The following PTBP3 variants were observed in gnomAD, a reference collection of about 807,000 sequenced individuals.
PTBP3 encodes the protein polypyrimidine tract binding protein 3, also known as polypyrimidine tract-binding protein 3.
A neutral mutation model predicts 58.7 loss-of-function variants in PTBP3; 20 were observed. The observed-to-expected ratio is 0.34, with a 90% CI of 0.24 to 0.50. The LOEUF is 0.50. Among genes scored for constraint, PTBP3 ranks in the 20% least tolerant of loss-of-function variants. The pLI is 0.98. For missense variants in PTBP3, 509 were observed against 637.2 expected, an observed-to-expected ratio of 0.80 and a Z score of 2.17; for synonymous variants, 185 against 219.8, an observed-to-expected ratio of 0.84 and a Z score of 1.40.
chr9:112,320,289 A>AT (rs1554805700), intron 1 of PTBP3, among the ~76,000 whole-genome samples: 14 of 39,076 alleles, frequency 3.6e-4, no homozygotes, highest in African/African-American at 2.9e-3. Context: ...TAAAAAAAAA[A>AT]AAATATATAT....
At chr9:112,345,221 C>G in the PTBP3 span, among the ~76,000 whole-genome samples, 4 of 151,870 alleles carry the variant, frequency 2.6e-5, no homozygotes, top group African/African-American at 9.7e-5. Context: ...GTCCCACCAG[C>G]TACTCCTTGG....
chr9:112,263,425 C>G (rs375270583), intron 4 of PTBP3, among the ~76,000 whole-genome samples: 1 of 152,150 alleles, frequency 6.6e-6, no homozygotes, highest in Admixed American at 6.6e-5. Context: ...CCCATCATTA[C>G]TAACACAACA....
intron 2 of PTBP3, among the ~76,000 whole-genome samples, chr9:112,295,097 C>T (rs969395118): frequency 2.6e-5 from 4 of 151,746 alleles, no homozygotes; most frequent in African/African-American, 9.7e-5. Context: ...AAAATTAGCC[C>T]GGCACGGTGG....
the PTBP3 span, among the ~76,000 whole-genome samples, chr9:112,372,600 C>A: frequency 6.6e-6 from 1 of 152,168 alleles, no homozygotes; most frequent in Non-Finnish European, 1.5e-5. Flanking sequence ...AGCCACCAAT[C>A]TGCTTTCTAT....
chr9:112,238,887 C>T (rs1203292058), intron 7 of PTBP3, among the ~76,000 whole-genome samples: 1 of 152,058 alleles, frequency 6.6e-6, no homozygotes, highest in Non-Finnish European at 1.5e-5. Context: ...TTACCACAGA[C>T]CTTTCCTAAG....
chr9:112,305,714 G>A (rs1829160440), intron 1 of PTBP3, among the ~76,000 whole-genome samples: 1 of 152,276 alleles, frequency 6.6e-6, no homozygotes, highest in Non-Finnish European at 1.5e-5. Flanking sequence ...GCCGAGGGGG[G>A]CGGATAATGA....
intron 7 of PTBP3, among the ~76,000 whole-genome samples, chr9:112,250,660 A>G (rs1228650676): frequency 3.3e-5 from 5 of 152,208 alleles, no homozygotes; most frequent in Admixed American, 3.3e-4. Context: ...ACTAATTTGA[A>G]GCAAATGGTT....
intron 7 of PTBP3, 101 bp downstream of exon 7, chr9:112,250,828 G>A (rs2132074123): frequency 8.7e-7 from 1 of 1,145,228 alleles, no homozygotes; most frequent in Non-Finnish European, 1.2e-6. Context: ...TAAATCCTGA[G>A]AGAACTCGAG....
chr9:112,333,461 A>G lies in PTBP3; in HGVS notation c.-52+9T>C. The G allele has an allele frequency of 1.3e-6, 2 of 1,583,988 alleles. No homozygotes were observed. The highest frequency in any genetic ancestry group is 1.1e-5 in the South Asian group (1 of 88,010). Reference sequence around the variant, plus strand: ...ACCCGGTGCGGCCGCCGCGCCGCCTAGTACTTACCCATCCATGGCCCAGAT... The same window carrying G: ...ACCCGGTGCGGCCGCCGCGCCGCCTGGTACTTACCCATCCATGGCCCAGAT... On this transcript the variant is annotated intron_variant, in intron 1 of 13. Transcript: ENST00000374257.
intron 5 of PTBP3, among the ~76,000 whole-genome samples, chr9:112,260,309 A>G (rs1836541590): frequency 6.6e-6 from 1 of 152,240 alleles, no homozygotes; most frequent in African/African-American, 2.4e-5. Flanking sequence ...GAGAGAGAAC[A>G]TCATCTTCAT....
At chr9:112,277,795 G>A (rs1302956075) in intron 2 of PTBP3, among the ~76,000 whole-genome samples, 1 of 151,964 alleles carries the variant, frequency 6.6e-6, no homozygotes, top group Non-Finnish European at 1.5e-5. Context: ...AGAGTCACTT[G>A]AACCCAGGAG....
intron 5 of PTBP3, among the ~76,000 whole-genome samples, chr9:112,253,856 CTG>C (rs1836237264): frequency 6.6e-6 from 1 of 152,188 alleles, no homozygotes. Context: ...CCATGCAGAA[CTG>C]TGAGTCAATT....
At position 112,282,561 on chromosome 9, in the gene PTBP3, C is replaced by T. The variant is rs1384692122; in HGVS notation, c.35-6548G>A. ...GAACCCCACAAATTTCATTAAGTTA[C>T]GGTTTCATTTTATTTCTGTTCAAAG... On this transcript the variant is annotated intron_variant, in intron 2 of 13. Coordinates refer to ENST00000374257, the MANE Select transcript of PTBP3 (RefSeq NM_001163788.4). 3.9e-5 allele frequency among the ~76,000 whole-genome samples: 6 copies of T among 152,030 alleles called. No homozygotes were observed. In the East Asian group the frequency reaches 5.8e-4, roughly 15 times the overall value.
the PTBP3 span, among the ~76,000 whole-genome samples, chr9:112,350,418 A>C: frequency 6.6e-6 from 1 of 152,222 alleles, no homozygotes; most frequent in East Asian, 1.9e-4. Context: ...AGATTTATGG[A>C]AACATTGTGA....
the PTBP3 span, among the ~76,000 whole-genome samples, chr9:112,363,876 T>C: frequency 6.6e-6 from 1 of 152,176 alleles, no homozygotes; most frequent in African/African-American, 2.4e-5. Flanking sequence ...ATCCATAGGG[T>C]TCACTCTGTG....
chr9:112,231,984 GA>G lies in PTBP3; in HGVS notation c.1020+114del, dbSNP rs1564391543. On this transcript the variant is annotated intron_variant, in intron 9 of 13. Transcript: ENST00000374257. Reference sequence around the variant, plus strand: ...GAAGAGAAGAGAGAAGAGAAGAGAAGAGAAGAGAAGAGAAGAGAAGAGAAGA... The same window carrying G: ...GAAGAGAAGAGAGAAGAGAAGAGAAGGAAGAGAAGAGAAGAGAAGAGAAGA... 2.2e-5 allele frequency: 10 copies of G among 461,850 alleles called. No individual in the cohort carries two copies. In the African/African-American group the frequency reaches 7.2e-4, roughly 33 times the overall value. 28.6% of individuals were successfully genotyped at this position (461,850 alleles called of 1,614,324 possible).
chr9:112,324,773 T>A (rs1261899612), intron 1 of PTBP3, among the ~76,000 whole-genome samples: 1 of 151,334 alleles, frequency 6.6e-6, no homozygotes, highest in Non-Finnish European at 1.5e-5. Flanking sequence ...ACTGGATCAA[T>A]AACAAAATTA....
the PTBP3 span, among the ~76,000 whole-genome samples, chr9:112,350,910 T>G: frequency 6.6e-6 from 1 of 152,164 alleles, no homozygotes. Flanking sequence ...GTGATTCTCC[T>G]GCCCCAGCCT....
At chr9:112,230,218 T>C (rs1338451743) in intron 10 of PTBP3, among the ~76,000 whole-genome samples, 1 of 151,900 alleles carries the variant, frequency 6.6e-6, no homozygotes, top group Non-Finnish European at 1.5e-5. Flanking sequence ...CCCAGCTACT[T>C]GGAAGGCTGA....
Sources: allele counts gnomAD v4.1 joint callset (sites outside exome capture counted in the v4.1 genomes callset), GRCh38; gene constraint gnomAD v4.1.1; transcripts MANE v1.5; gene names NCBI Gene and HGNC (gene_info 2026-07-23, HGNC 2026-07-21).